The following BRIP1 variants were observed in gnomAD, a reference collection of about 807,000 sequenced individuals.
BRIP1 encodes BRCA1 interacting DNA helicase 1, also known as Fanconi anemia group J protein.
A neutral mutation model predicts 119.7 loss-of-function variants in BRIP1; 88 were observed. That is an observed-to-expected ratio of 0.74 (90% confidence interval 0.62 to 0.88). The LOEUF (loss-of-function observed/expected upper bound fraction) is 0.88. Among genes scored for constraint, BRIP1 ranks in the 40% least tolerant of loss-of-function variants. The pLI is 0.00. For missense variants in BRIP1, 1,259 were observed against 1,455.4 expected, an observed-to-expected ratio of 0.87 and a Z score of 2.20; for synonymous variants, 443 against 496.5, an observed-to-expected ratio of 0.89 and a Z score of 1.43.
At position 61,705,966 on chromosome 17, in the gene BRIP1, CTT is replaced by C. The variant is rs1276381735; in HGVS notation, c.2492+9983_2492+9984del. On this transcript the variant is annotated intron_variant, in intron 17 of 19. Transcript: ENST00000259008. The surrounding 1 kb of genome is among the most constrained non-coding windows in gnomAD (Gnocchi z 5.0). Reference sequence around the variant, plus strand: ...ATAATGTTGCTCAAGTCATCTATATCTTTATTAGTTTGTCTACTAGTTCTGTT... The same window carrying C: ...ATAATGTTGCTCAAGTCATCTATATCTATTAGTTTGTCTACTAGTTCTGTT... Among the ~76,000 whole-genome samples the C allele has an allele frequency of 6.6e-6, 1 of 152,036 alleles. No individual in the cohort carries two copies. The highest frequency in any genetic ancestry group is 1.5e-5 in the Non-Finnish European group (1 of 67,972).
chr17:61,803,148 G>C lies in BRIP1; in HGVS notation c.919-1674C>G, dbSNP rs998389169. Among the ~76,000 whole-genome samples the C allele has an allele frequency of 1.3e-5, 2 of 150,750 alleles. No individual in the cohort carries two copies. The highest frequency in any genetic ancestry group is 4.9e-5 in the African/African-American group (2 of 40,864). On this transcript the variant is annotated intron_variant, in intron 7 of 19. Coordinates refer to ENST00000259008, the MANE Select transcript of BRIP1 (RefSeq NM_032043.3). This position sits in a 1 kb window ranked among gnomAD's most constrained non-coding sequence, Gnocchi z 4.3. ...CTCACTCTGTCACCTGGGGTGCAGT[G>C]GCACGATCCAATCTTGGTTCACTGC...
intron 14 of BRIP1, among the ~76,000 whole-genome samples, chr17:61,765,971 C>A (rs756766353): frequency 6.6e-6 from 1 of 151,992 alleles, no homozygotes; most frequent in Non-Finnish European, 1.5e-5. Context: ...GCTCTTATAT[C>A]TATCTTCCTA....
At position 61,765,423 on chromosome 17, in the gene BRIP1, A is replaced by ATTTTTT. The variant is rs1158741814; in HGVS notation, c.2097+10972_2097+10977dup. ...TATATATATATATATATATATATATATTTTTTTTTTTTTTTTTTTTTTTTT... is the reference window on the plus strand; with the variant it reads ...TATATATATATATATATATATATATATTTTTTTTTTTTTTTTTTTTTTTTTTTTTTT... On this transcript the variant is annotated intron_variant, in intron 14 of 19. Transcript: ENST00000259008. Among the ~76,000 whole-genome samples, 7 of 8,234 alleles carry ATTTTTT rather than the reference A, an allele frequency of 8.5e-4. 1 individual carries two copies. Among genetic ancestry groups the ATTTTTT allele is most frequent in the Admixed American group, 6.5e-3 (2 of 306 alleles). 5.4% of individuals were successfully genotyped at this position (8,234 alleles called of 152,430 possible).
In BRIP1 at chr17:61,745,314, G is replaced by A. The variant is rs1567782282; in HGVS notation, c.2098-723C>T. Among the ~76,000 whole-genome samples, 1 of 152,108 alleles carries A rather than the reference G, an allele frequency of 6.6e-6. No individual in the cohort carries two copies. Among genetic ancestry groups the A allele is most frequent in the African/African-American group, 2.4e-5 (1 of 41,424 alleles). ...ACAGTTATGCCATGGTAGATTAAAA[G>A]TCAATAATATAAAGTCATGGTAGAT... On this transcript the variant is annotated intron_variant, in intron 14 of 19. Transcript: ENST00000259008. This position sits in a 1 kb window ranked among gnomAD's most constrained non-coding sequence, Gnocchi z 4.4.
In BRIP1 at chr17:61,742,876, C is replaced by T. The variant is rs187273647; in HGVS notation, c.2379+137G>A. On this transcript the variant is annotated intron_variant, in intron 16 of 19. Transcript: ENST00000259008. This position sits in a 1 kb window ranked among gnomAD's most constrained non-coding sequence, Gnocchi z 4.7. ...ATGGTGCTGAAAGACTTGCACAATG[C>T]AGGGTTACCATAAACCTTCAATTTG... is the stretch of plus-strand genomic sequence containing the variant. 45 of 1,084,716 alleles carry T rather than the reference C, an allele frequency of 4.1e-5. No homozygotes were observed. Among genetic ancestry groups the T allele is most frequent in the Middle Eastern group, 4.7e-4 (2 of 4,272 alleles). The allele number at this position is 1,084,716 out of a possible 1,614,324, so 67.2% of individuals were successfully genotyped here. A position where few individuals can be genotyped will look rare whatever the true frequency, so the allele number is the denominator to read the frequency against.
At chr17:61,784,740 C>T (rs1325398852) in intron 10 of BRIP1, among the ~76,000 whole-genome samples, 3 of 152,128 alleles carry the variant, frequency 2.0e-5, no homozygotes, top group African/African-American at 7.2e-5. Flanking sequence ...AAGAGCCTGA[C>T]ACCTCCCTCC....
In BRIP1 at chr17:61,758,915, G is replaced by C. The variant is rs980534975; in HGVS notation, c.2098-14324C>G. ...TAGTACCAGCTACTCAGGAGGCTGA[G>C]GTTGATCCCTTCAACCCAGGAGTTC... On this transcript the variant is annotated intron_variant, in intron 14 of 19. Coordinates refer to ENST00000259008, the MANE Select transcript of BRIP1 (RefSeq NM_032043.3). This position sits in a 1 kb window ranked among gnomAD's most constrained non-coding sequence, Gnocchi z 5.3. Among the ~76,000 whole-genome samples the C allele has an allele frequency of 6.6e-6, 1 of 151,860 alleles. No individual in the cohort carries two copies. Among genetic ancestry groups the C allele is most frequent in the African/African-American group, 2.4e-5 (1 of 41,322 alleles).
At chr17:61,800,607 A>G (rs1003132148) in intron 8 of BRIP1, among the ~76,000 whole-genome samples, 1 of 152,198 alleles carries the variant, frequency 6.6e-6, no homozygotes, top group African/African-American at 2.4e-5. Context: ...AATAAAAGCA[A>G]TATTTGGAAA....
chr17:61,858,755 A>T (rs977176448), intron 3 of BRIP1, among the ~76,000 whole-genome samples: 11 of 152,226 alleles, frequency 7.2e-5, no homozygotes, highest in African/African-American at 2.4e-4. Context: ...ATACATACAC[A>T]TACCATGTTT....
At chr17:61,791,488 CAAAAAAA>C (rs529710126) in intron 10 of BRIP1, among the ~76,000 whole-genome samples, 2 of 52,920 alleles carry the variant, frequency 3.8e-5, no homozygotes, top group Non-Finnish European at 6.2e-5. Flanking sequence ...GACTTCATCT[CAAAAAAA>C]AAAAAAAAAA....
Position 61,845,352 on chromosome 17 carries a change from C to T in BRIP1, c.627+1749G>A, listed in dbSNP as rs896639561. ...CAGTCTATCTTGCACTTAGGATGGA[C>T]CTTTTCTAGGCATCATTTTGCAATA... On this transcript the variant is annotated intron_variant, in intron 6 of 19. Coordinates refer to ENST00000259008, the MANE Select transcript of BRIP1 (RefSeq NM_032043.3). This position sits in a 1 kb window ranked among gnomAD's most constrained non-coding sequence, Gnocchi z 4.2. Among the ~76,000 whole-genome samples the T allele has an allele frequency of 3.9e-5, 6 of 151,974 alleles. No homozygotes were observed. Among genetic ancestry groups the T allele is most frequent in the African/African-American group, 1.5e-4 (6 of 41,356 alleles).
rs2061744823 is a variant in BRIP1, at chr17:61,709,794, CA to C, written c.2492+6156del. ...TCATAGTGCAGTTGTAACCTGGTTG[CA>C]AAACCATCTTGTATGTTTCCAAAGG... On this transcript the variant is annotated intron_variant, in intron 17 of 19. Transcript: ENST00000259008. The surrounding 1 kb of genome is among the most constrained non-coding windows in gnomAD (Gnocchi z 5.0). 6.6e-6 allele frequency among the ~76,000 whole-genome samples: 1 copy of C among 152,164 alleles called. No homozygotes were observed. The highest frequency in any genetic ancestry group is 1.5e-5 in the Non-Finnish European group (1 of 68,020).
rs1306621242 is a variant in BRIP1 at position 61,815,552 on chromosome 17, GT to G, written c.628-6796del. Among the ~76,000 whole-genome samples, 1 of 152,088 alleles carries G rather than the reference GT, an allele frequency of 6.6e-6. No homozygotes were observed. The highest frequency in any genetic ancestry group is 1.5e-5 in the Non-Finnish European group (1 of 67,994). ...TGAACTCATTTCTATTTTAATGTTT[GT>G]TAATTACCTAATATTAACATAAGGC... On this transcript the variant is annotated intron_variant, in intron 6 of 19. Coordinates refer to ENST00000259008, the MANE Select transcript of BRIP1 (RefSeq NM_032043.3). The surrounding 1 kb of genome is among the most constrained non-coding windows in gnomAD (Gnocchi z 4.1).
At chr17:61,835,722 A>G (rs1603355820) in intron 6 of BRIP1, among the ~76,000 whole-genome samples, 1 of 152,104 alleles carries the variant, frequency 6.6e-6, no homozygotes, top group African/African-American at 2.4e-5. Flanking sequence ...AAGAGAAAAA[A>G]AAGTCCAGGA....
At chr17:61,721,380 C>T (rs1453821415) in intron 16 of BRIP1, among the ~76,000 whole-genome samples, 1 of 150,978 alleles carries the variant, frequency 6.6e-6, no homozygotes, top group Non-Finnish European at 1.5e-5. Context: ...AGAGATTCTC[C>T]TGCCTCAGCC....
intron 10 of BRIP1, among the ~76,000 whole-genome samples, chr17:61,788,243 CAG>C (rs919495893): frequency 2.6e-5 from 4 of 151,912 alleles, no homozygotes; most frequent in Non-Finnish European, 2.9e-5. Flanking sequence ...GTAATGGAAA[CAG>C]AAACTTTAAG....
rs538578090 is a variant in BRIP1 at position 61,730,097 on chromosome 17, C to T, written c.2379+12916G>A. Among the ~76,000 whole-genome samples, 2 of 152,186 alleles carry T rather than the reference C, an allele frequency of 1.3e-5. No individual in the cohort carries two copies. The highest frequency in any genetic ancestry group is 2.4e-5 in the African/African-American group (1 of 41,436). On this transcript the variant is annotated intron_variant, in intron 16 of 19. Transcript: ENST00000259008. This position sits in a 1 kb window ranked among gnomAD's most constrained non-coding sequence, Gnocchi z 4.3. Reference sequence around the variant, plus strand: ...TTGTATAGCTTACTATAGTCACTGACGCACTGGGGTGATGTGTCCTACAGT... The same window carrying T: ...TTGTATAGCTTACTATAGTCACTGATGCACTGGGGTGATGTGTCCTACAGT...
In BRIP1 at chr17:61,861,786, A is replaced by C; in HGVS notation, c.-30-217T>G. On this transcript the variant is annotated intron_variant, in intron 1 of 19. Coordinates refer to ENST00000259008, the MANE Select transcript of BRIP1 (RefSeq NM_032043.3). The surrounding 1 kb of genome is among the most constrained non-coding windows in gnomAD (Gnocchi z 4.5). ...CTAGATTTGTATCCTTCACTCTGCC[A>C]GGTATTAGTTGTGTGACTTCGGGAA... 1.8e-6 allele frequency: 1 copy of C among 558,654 alleles called. No individual in the cohort carries two copies. The highest frequency in any genetic ancestry group is 3.1e-5 in the East Asian group (1 of 32,732). 34.6% of individuals were successfully genotyped at this position (558,654 alleles called of 1,614,324 possible).
At position 61,856,232 on chromosome 17, in the gene BRIP1, T is replaced by C. The variant is rs2078894483; in HGVS notation, c.379+826A>G. ...AAGTTCAATCATCTACCCTCCTCTATATAGTCACATGCTTTAGAGGAAGCT... is the reference window on the plus strand; with the variant it reads ...AAGTTCAATCATCTACCCTCCTCTACATAGTCACATGCTTTAGAGGAAGCT... On this transcript the variant is annotated intron_variant, in intron 4 of 19. Coordinates refer to ENST00000259008, the MANE Select transcript of BRIP1 (RefSeq NM_032043.3). The surrounding 1 kb of genome is among the most constrained non-coding windows in gnomAD (Gnocchi z 5.1). Among the ~76,000 whole-genome samples, 2 of 152,234 alleles carry C rather than the reference T, an allele frequency of 1.3e-5. No homozygotes were observed. Among genetic ancestry groups the C allele is most frequent in the African/African-American group, 4.8e-5 (2 of 41,472 alleles).
Sources: gnomAD v4.1 joint callset for allele counts (sites outside exome capture counted in the v4.1 genomes callset) on GRCh38, gnomAD v4.1.1 for gene constraint, Gnocchi (gnomAD v3.1) non-coding constraint, MANE v1.5 for transcripts, NCBI Gene and HGNC (gene_info 2026-07-23, HGNC 2026-07-21) for gene names.